SLC2A14: variants seen among roughly 807,000 people sequenced by gnomAD.
SLC2A14 encodes the protein solute carrier family 2 member 14.
SLC2A14 carries 13 observed loss-of-function variants against 43.0 expected under a neutral mutation model. The ratio of observed to expected loss-of-function variants is 0.30; its 90% confidence interval spans 0.20 to 0.48. The LOEUF is 0.48. SLC2A14 is among the 20% of genes least tolerant of loss of function. SLC2A14 has a pLI of 0.99. For synonymous variants in SLC2A14, 190 were observed against 233.8 expected, an observed-to-expected ratio of 0.81 and a Z score of 1.71; for missense variants, 428 against 620.4, an observed-to-expected ratio of 0.69 and a Z score of 3.29.
upstream of SLC2A14, among the ~76,000 whole-genome samples, chr12:7,877,460 T>C (rs967291929): frequency 6.6e-6 from 1 of 151,726 alleles, no homozygotes; most frequent in Non-Finnish European, 1.5e-5. Context: ...AGTTTTGCCC[T>C]TGTTGCCCGG....
chr12:7,831,691 T>G lies in SLC2A14; in HGVS notation c.185A>C (p.Asn62Thr). The G allele has an allele frequency of 1.5e-5, 25 of 1,614,144 alleles. No homozygotes were observed. Among genetic ancestry groups the G allele is most frequent in the Non-Finnish European group, 1.9e-5 (23 of 1,180,036 alleles). Residue 62 changes from asparagine to threonine, a missense_variant, in exon 4 of 11, where the codon AAT (asparagine) becomes ACT (threonine). Asn to Thr is a moderately conservative substitution (Grantham distance 65, BLOSUM62 0). Coordinates refer to ENST00000431042, the MANE Select transcript of SLC2A14 (RefSeq NM_001286234.2). ...NAPPSEVLLT[N>T]LWSLSVAIFS... ...TATGGCCACAGACAAGGACCAGAGA[T>G]TCGTGAGCAGCACCTCAGAGGGAGG...
chr12:7,886,587 T>C (rs1056293756), intron 1 of SLC2A14, among the ~76,000 whole-genome samples: 2 of 152,048 alleles, frequency 1.3e-5, no homozygotes, highest in African/African-American at 4.8e-5. Context: ...GATAATTCCA[T>C]TTGTAATCTC....
At chr12:7,836,308 C>T (rs1865453239) in intron 2 of SLC2A14, among the ~76,000 whole-genome samples, 1 of 151,556 alleles carries the variant, frequency 6.6e-6, no homozygotes, top group African/African-American at 2.4e-5. Flanking sequence ...GCAACCTCTG[C>T]CTCCCCGGTT....
chr12:7,868,750 G>A (rs1021466661), intron 2 of SLC2A14, among the ~76,000 whole-genome samples: 7 of 152,150 alleles, frequency 4.6e-5, no homozygotes, highest in African/African-American at 1.4e-4. Flanking sequence ...GCTCATGGCT[G>A]TAATCCCAGC....
At chr12:7,852,907 A>G (rs1003023652) in intron 2 of SLC2A14, among the ~76,000 whole-genome samples, 26 of 152,136 alleles carry the variant, frequency 1.7e-4, no homozygotes, top group African/African-American at 5.1e-4. Context: ...GAAAAAAGAA[A>G]GGTTTTCTCA....
chr12:7,844,650 C>T (rs1458898320), intron 2 of SLC2A14, among the ~76,000 whole-genome samples: 1 of 151,710 alleles, frequency 6.6e-6, no homozygotes, highest in Non-Finnish European at 1.5e-5. Flanking sequence ...AGTTTTCGTG[C>T]CTCAGCCTCC....
chr12:7,831,050 G>A (rs1395828993), intron 4 of SLC2A14, among the ~76,000 whole-genome samples: 2 of 151,132 alleles, frequency 1.3e-5, no homozygotes, highest in East Asian at 3.9e-4. Flanking sequence ...CTTGAACCCG[G>A]GAGGCAGAGG....
Position 7,812,629 on chromosome 12 carries a change from C to T in SLC2A14, c.*1687G>A, listed in dbSNP as rs147546883. 5 of 152,278 alleles carry T rather than the reference C, an allele frequency of 3.3e-5. No individual in the cohort carries two copies. The highest frequency in any genetic ancestry group is 1.2e-4 in the African/African-American group (5 of 41,544). 9.4% of individuals were successfully genotyped at this position (152,278 alleles called of 1,614,324 possible). A position where few individuals can be genotyped will look rare whatever the true frequency, so the allele number is the denominator to read the frequency against. On this transcript the variant is annotated 3_prime_UTR_variant, in exon 11 of 11. Transcript: ENST00000431042. Reference sequence around the variant, plus strand: ...GAGAAATAGGAAAACAACTTCCCTGCCTTACTGCCAAACTGAGGAGCCAGA... The same window carrying T: ...GAGAAATAGGAAAACAACTTCCCTGTCTTACTGCCAAACTGAGGAGCCAGA...
intron 3 of SLC2A14, among the ~76,000 whole-genome samples, 195 bp downstream of exon 3, chr12:7,832,527 G>A (rs1230030026): frequency 6.6e-6 from 1 of 152,150 alleles, no homozygotes; most frequent in Non-Finnish European, 1.5e-5. Flanking sequence ...TTGGGGGAGG[G>A]ACCCTCACTA....
At chr12:7,872,987 G>T (rs1366462423), upstream of SLC2A14, 2 of 985,354 alleles carry the variant, frequency 2.0e-6, no homozygotes, top group Non-Finnish European at 2.4e-6. Context: ...TCGGTTCATC[G>T]GGAGCCCTCC....
intron 7 of SLC2A14, among the ~76,000 whole-genome samples, chr12:7,825,087 G>A (rs144475870): frequency 1.3e-5 from 2 of 152,242 alleles, no homozygotes; most frequent in African/African-American, 4.8e-5. Context: ...TAATTCCGGT[G>A]CAGCTAACTT....
In SLC2A14 at chr12:7,823,370, G is replaced by A. The variant is rs1274561467; in HGVS notation, c.865-2045C>T. The stretch of plus-strand genomic sequence containing the variant: ...TGCACTCTAGCCTGGGCAACAGAGC[G>A]AGACTCCATATCAAAAAAAAAAAAG... On this transcript the variant is annotated intron_variant, in intron 7 of 10. Transcript: ENST00000431042. 1.6e-4 allele frequency among the ~76,000 whole-genome samples: 22 copies of A among 137,868 alleles called. 1 individual carries two copies. Among genetic ancestry groups the A allele is most frequent in the East Asian group, 4.3e-4 (2 of 4,692 alleles). The allele number at this position is 137,868 out of a possible 152,430, so 90.4% of individuals were successfully genotyped here.
chr12:7,830,992 C>T (rs757196499), intron 4 of SLC2A14, among the ~76,000 whole-genome samples: 4 of 151,792 alleles, frequency 2.6e-5, no homozygotes, highest in South Asian at 2.1e-4. Context: ...AGCGTGGTGG[C>T]GGGCACCTGT....
chr12:7,827,587 C>T lies in SLC2A14; in HGVS notation c.772G>A (p.Val258Met), dbSNP rs747384136. ...CTGGACACTCTAAAGAGCTCCAGCA[C>T]GGTGACTTGCTTTTCTTGTGACATC... ...ARMSQEKQVTVLELFRVSSYR... is the reference protein window; with the variant it reads ...ARMSQEKQVTMLELFRVSSYR... The change falls in exon 7 of 11, where the codon GTG becomes ATG. Residue 258 changes from valine (V) to methionine (M), a missense_variant. Around this residue, in one of 4 missense-constraint regions of SLC2A14, gnomAD observed 185 missense variants for 275.4 expected, o/e 0.67. Coordinates refer to ENST00000431042, the MANE Select transcript of SLC2A14 (RefSeq NM_001286234.2). The T allele has an allele frequency of 2.4e-5, 38 of 1,613,034 alleles. No individual in the cohort carries two copies. In the East Asian group the frequency reaches 3.3e-4, roughly 14 times the overall value.
chr12:7,875,006 A>ATATT (rs1555148940), upstream of SLC2A14, among the ~76,000 whole-genome samples: 1 of 98,198 alleles, frequency 1.0e-5, no homozygotes, highest in African/African-American at 4.6e-5. Context: ...ATATAAATAC[A>ATATT]TATATAAAAA....
intron 8 of SLC2A14, among the ~76,000 whole-genome samples, chr12:7,820,647 G>C (rs1863838986): frequency 6.6e-6 from 1 of 152,136 alleles, no homozygotes; most frequent in African/African-American, 2.4e-5. Flanking sequence ...CAGTTTGAAA[G>C]TTTTTCCAAA....
At chr12:7,868,411 A>G (rs1055515805) in intron 2 of SLC2A14, among the ~76,000 whole-genome samples, 2 of 152,184 alleles carry the variant, frequency 1.3e-5, no homozygotes, top group Non-Finnish European at 2.9e-5. Context: ...GCTTTCTCTC[A>G]GCAGTCTGGA....
chr12:7,885,031 C>T (rs1945665332), intron 1 of SLC2A14, among the ~76,000 whole-genome samples: 2 of 152,000 alleles, frequency 1.3e-5, no homozygotes, highest in South Asian at 2.1e-4. Context: ...GTCTTTTGAA[C>T]TCTCCAGTAG....
chr12:7,875,459 G>T (rs1945447294), upstream of SLC2A14, among the ~76,000 whole-genome samples: 1 of 150,248 alleles, frequency 6.7e-6, no homozygotes, highest in Admixed American at 6.7e-5. Context: ...AGTCAGCCAA[G>T]ATTGCACCAC....
Sources: allele counts gnomAD v4.1 joint callset (sites outside exome capture counted in the v4.1 genomes callset), GRCh38; gene constraint gnomAD v4.1.1; regional missense constraint gnomAD v4.1.1; transcripts MANE v1.5; gene names NCBI Gene and HGNC (gene_info 2026-07-23, HGNC 2026-07-21).